CACUL1: variants seen among roughly 807,000 people sequenced by gnomAD.
CACUL1 encodes the protein CDK2-associated and cullin domain-containing protein 1.
Under a neutral mutation model 45.2 loss-of-function variants are expected in CACUL1, and 13 were observed. The observed-to-expected ratio is 0.29, with a 90% CI of 0.19 to 0.46. CACUL1 has a LOEUF of 0.46. Among genes scored for constraint, CACUL1 ranks in the 20% least tolerant of loss-of-function variants. CACUL1 has a pLI of 1.00. For missense variants in CACUL1, 421 were observed against 471.4 expected, an observed-to-expected ratio of 0.89 and a Z score of 0.99; for synonymous variants, 197 against 174.2, an observed-to-expected ratio of 1.13 and a Z score of -1.03.
intron 5 of CACUL1, among the ~76,000 whole-genome samples, chr10:118,701,052 G>C (rs1297041086): frequency 6.6e-6 from 1 of 152,090 alleles, no homozygotes; most frequent in Non-Finnish European, 1.5e-5. Flanking sequence ...CGGCGGGGAG[G>C]GGGCAACAAG....
intron 3 of CACUL1, among the ~76,000 whole-genome samples, chr10:118,719,752 G>A (rs1436573812): frequency 1.3e-5 from 2 of 152,034 alleles, no homozygotes; most frequent in African/African-American, 4.8e-5. Context: ...CGGAGGTTGC[G>A]GTGAGCCGAG....
At chr10:118,708,763 T>C (rs375389323) in intron 3 of CACUL1, among the ~76,000 whole-genome samples, 28 of 152,080 alleles carry the variant, frequency 1.8e-4, no homozygotes, top group African/African-American at 2.4e-4. Context: ...AAAAAGGCCA[T>C]GTGAGGACTG....
intron 2 of CACUL1, among the ~76,000 whole-genome samples, chr10:118,729,761 T>C (rs1028258490): frequency 2.0e-5 from 3 of 152,170 alleles, no homozygotes; most frequent in Admixed American, 2.0e-4. Context: ...TGATAATCAG[T>C]AGAGAGAGGT....
rs146734264 is a variant in CACUL1 at position 118,721,445 on chromosome 10, TCAA to T, written c.597+7847_597+7849del. Among the ~76,000 whole-genome samples the T allele has an allele frequency of 3.9e-3, 585 of 151,480 alleles. 5 individuals carry two copies. The highest frequency in any genetic ancestry group is 0.012 in the African/African-American group (483 of 41,564). On this transcript the variant is annotated intron_variant, in intron 3 of 8. Coordinates refer to ENST00000369151, the MANE Select transcript of CACUL1 (RefSeq NM_153810.5). ...CTTAAAACCAAGATACAGTTAGACA[TCAA>T]CATCACTCTAATTTTATTAAAATGG...
At chr10:118,700,703 C>T (rs796661999) in intron 5 of CACUL1, among the ~76,000 whole-genome samples, 2 of 119,874 alleles carry the variant, frequency 1.7e-5, no homozygotes, top group South Asian at 5.8e-4. Context: ...GGCGACAGAG[C>T]GAGACTCCGT....
At position 118,677,785 on chromosome 10, in the gene CACUL1, TTTAA is replaced by T. The variant is rs2119521118; in HGVS notation, c.*8339_*8342del. ...GCATTTGGCTCCCTCCTTCATTCCT[TTTAA>T]TTATTACACATAATGCTGTTATAAA... is the stretch of plus-strand genomic sequence containing the variant. On this transcript the variant is annotated 3_prime_UTR_variant, in exon 9 of 9. Transcript: ENST00000369151. The T allele has an allele frequency of 6.6e-6, 1 of 152,296 alleles. No individual in the cohort carries two copies. The highest frequency in any genetic ancestry group is 2.1e-4 in the South Asian group (1 of 4,824). The allele number at this position is 152,296 out of a possible 1,614,324, so 9.4% of individuals were successfully genotyped here. A position where few individuals can be genotyped will look rare whatever the true frequency, so the allele number is the denominator to read the frequency against.
intron 5 of CACUL1, among the ~76,000 whole-genome samples, chr10:118,700,363 T>G (rs564045266): frequency 3.3e-5 from 5 of 152,148 alleles, no homozygotes; most frequent in African/African-American, 1.2e-4. Flanking sequence ...GAGAAGTATA[T>G]TCTTTCAGGA....
intron 1 of CACUL1, among the ~76,000 whole-genome samples, chr10:118,736,245 G>C (rs1384946443): frequency 6.6e-6 from 1 of 152,002 alleles, no homozygotes; most frequent in East Asian, 1.9e-4. Context: ...ATTTTATCAG[G>C]ATAAGAAAAT....
chr10:118,754,337 G>A, intron 1 of CACUL1, 59 bp downstream of exon 1: 1 of 1,438,780 alleles, frequency 7.0e-7, no homozygotes, highest in Non-Finnish European at 9.1e-7. Flanking sequence ...AGAGGGGGTG[G>A]ATTCGGCGTC....
chr10:118,709,664 ATG>A (rs1845465892), intron 3 of CACUL1, among the ~76,000 whole-genome samples: 1 of 152,260 alleles, frequency 6.6e-6, no homozygotes, highest in African/African-American at 2.4e-5. Flanking sequence ...GAAATGCCAC[ATG>A]GAAGGATTCC....
chr10:118,752,097 T>C (rs1318975413), intron 1 of CACUL1, among the ~76,000 whole-genome samples: 1 of 152,198 alleles, frequency 6.6e-6, no homozygotes, highest in African/African-American at 2.4e-5. Flanking sequence ...TCTAGGTAGG[T>C]GATCATATTA....
At chr10:118,721,698 T>G (rs1364043214) in intron 3 of CACUL1, among the ~76,000 whole-genome samples, 1 of 152,106 alleles carries the variant, frequency 6.6e-6, no homozygotes. Context: ...TCAACACTGT[T>G]TACTGGGGCT....
chr10:118,699,912 C>T (rs1018907549), intron 5 of CACUL1, among the ~76,000 whole-genome samples: 4 of 151,840 alleles, frequency 2.6e-5, no homozygotes, highest in Non-Finnish European at 4.4e-5. Context: ...CCTCCCAAAG[C>T]GCTGGGATTA....
chr10:118,733,334 A>C (rs1378554381), intron 1 of CACUL1, among the ~76,000 whole-genome samples: 2 of 152,206 alleles, frequency 1.3e-5, no homozygotes, highest in Non-Finnish European at 2.9e-5. Flanking sequence ...CACACACAAA[A>C]AAAAAAGCAG....
rs192587572 is a variant in CACUL1 at position 118,707,920 on chromosome 10, T to C, written c.598-333A>G. On this transcript the variant is annotated intron_variant, in intron 3 of 8. Coordinates refer to ENST00000369151, the MANE Select transcript of CACUL1 (RefSeq NM_153810.5). ...CCCAGCATTTTGGGAGGCCAAGGTGTGTGGATCACTTGAGGTCAGGAGTTC... is the reference window on the plus strand; with the variant it reads ...CCCAGCATTTTGGGAGGCCAAGGTGCGTGGATCACTTGAGGTCAGGAGTTC... 5.8e-3 allele frequency among the ~76,000 whole-genome samples: 885 copies of C among 152,102 alleles called. 11 individuals carry two copies. The highest frequency in any genetic ancestry group is 0.019 in the African/African-American group (798 of 41,514).
At chr10:118,736,077 G>A (rs1469332194) in intron 1 of CACUL1, among the ~76,000 whole-genome samples, 2 of 152,148 alleles carry the variant, frequency 1.3e-5, no homozygotes, top group African/African-American at 4.8e-5. Context: ...CCAGCACAGG[G>A]GGACGACTGA....
At chr10:118,692,961 C>A (rs1373568443) in intron 6 of CACUL1, 1 of 152,156 alleles carries the variant, frequency 6.6e-6, no homozygotes, top group Non-Finnish European at 1.5e-5. Flanking sequence ...TCAAATATGG[C>A]TTCACTAAGA....
chr10:118,695,196 C>A lies in CACUL1; in HGVS notation c.831G>T (p.Gln277His). Residue 277 changes from glutamine (Q) to histidine (H), a missense_variant, in exon 6 of 9, where the codon CAG (glutamine) becomes CAT (histidine). Physicochemically the swap from Gln to His is conservative, Grantham distance 24 (BLOSUM62 0). Transcript: ENST00000369151. ...TATTTGCCATAGTTGAAGGTGTGAC[C>A]TGAAATGGTGTTGACTGGGCTTCTA... ...LLLEAQSTPF[Q>H]VTPSTMANIV... is the part of the protein sequence containing the mutation. 2 of 1,608,830 alleles carry A rather than the reference C, an allele frequency of 1.2e-6. No individual in the cohort carries two copies. Among genetic ancestry groups the A allele is most frequent in the South Asian group, 2.2e-5 (2 of 90,958 alleles).
intron 3 of CACUL1, among the ~76,000 whole-genome samples, chr10:118,722,231 G>A (rs1845608025): frequency 6.6e-6 from 1 of 151,882 alleles, no homozygotes; most frequent in South Asian, 2.1e-4. Context: ...CTACAGGCAT[G>A]TGCCACCATG....
Sources: allele counts gnomAD v4.1 joint callset (sites outside exome capture counted in the v4.1 genomes callset), GRCh38; gene constraint gnomAD v4.1.1; transcripts MANE v1.5; gene names NCBI Gene and HGNC (gene_info 2026-07-23, HGNC 2026-07-21).